The following EYA1 variants were observed in gnomAD, a reference collection of about 807,000 sequenced individuals.
The protein encoded by EYA1 is EYA transcriptional coactivator and phosphatase 1, also known as protein phosphatase EYA1.
EYA1 carries 16 observed loss-of-function variants against 82.0 expected under a neutral mutation model. The ratio of observed to expected loss-of-function variants is 0.20; its 90% CI spans 0.13 to 0.30. EYA1 has a LOEUF of 0.30. Among genes scored for constraint, EYA1 ranks in the 10% least tolerant of loss-of-function variants. EYA1 has a pLI of 1.00. For missense variants in EYA1, 633 were observed against 730.7 expected, an observed-to-expected ratio of 0.87 and a Z score of 1.54; for synonymous variants, 261 against 264.4, an observed-to-expected ratio of 0.99 and a Z score of 0.12.
chr8:71,333,866 C>G (rs1204345700), intron 4 of EYA1, among the ~76,000 whole-genome samples: 2 of 151,972 alleles, frequency 1.3e-5, no homozygotes, highest in African/African-American at 4.8e-5. Context: ...TTTTTATACC[C>G]CATTTATTGG....
rs2129217081 is a variant in EYA1, at chr8:71,485,126, T to C, written c.33+50618A>G. Among the ~76,000 whole-genome samples the C allele has an allele frequency of 1.3e-5, 2 of 152,376 alleles. 1 individual carries two copies. Among genetic ancestry groups the C allele is most frequent in the South Asian group, 4.1e-4 (2 of 4,832 alleles). ...CTGCTTATTGGTATATGTTAAAGTTTGTGATTTATTGTTGTGAATAAAAGT... is the reference window on the plus strand; with the variant it reads ...CTGCTTATTGGTATATGTTAAAGTTCGTGATTTATTGTTGTGAATAAAAGT... On this transcript the variant is annotated intron_variant, in intron 2 of 18. Coordinates refer to the EYA1 transcript ENST00000643681.
At chr8:71,450,764 G>A (rs768323479) in intron 2 of EYA1, among the ~76,000 whole-genome samples, 3 of 152,118 alleles carry the variant, frequency 2.0e-5, no homozygotes, top group African/African-American at 7.2e-5. Flanking sequence ...TATATAAAAA[G>A]GGAACAAGAA....
chr8:71,471,285 TGATA>T (rs1299173821), intron 2 of EYA1, among the ~76,000 whole-genome samples: 5 of 152,046 alleles, frequency 3.3e-5, no homozygotes, highest in Non-Finnish European at 5.9e-5. Flanking sequence ...AATGCAGGAA[TGATA>T]GATGTCTGTA....
At chr8:71,539,119 C>A (rs1814941689) in intron 1 of EYA1, among the ~76,000 whole-genome samples, 1 of 151,996 alleles carries the variant, frequency 6.6e-6, no homozygotes, top group African/African-American at 2.4e-5. Context: ...GCATCTAGGG[C>A]CCTGTCTACC....
chr8:71,329,605 T>G (rs1823580074), intron 4 of EYA1, among the ~76,000 whole-genome samples: 1 of 152,224 alleles, frequency 6.6e-6, no homozygotes. Context: ...ACTACTCTTA[T>G]TTTGAGTCAC....
At chr8:71,301,571 T>C (rs1250231468) in intron 7 of EYA1, among the ~76,000 whole-genome samples, 1 of 152,202 alleles carries the variant, frequency 6.6e-6, no homozygotes, top group Non-Finnish European at 1.5e-5. Context: ...CCAAGAATTA[T>C]TTTTATTAAG....
In EYA1 at chr8:71,275,290, T is replaced by C. The variant is rs181723926; in HGVS notation, c.827-3393A>G. On this transcript the variant is annotated intron_variant, in intron 9 of 17. Coordinates refer to ENST00000340726, the MANE Select transcript of EYA1 (RefSeq NM_000503.6). ...CAGTAAAAAATCATGCCCATGTCAG[T>C]GGTTTCACAACTGGGTGAAGATTGT... is the stretch of plus-strand genomic sequence containing the variant. Among the ~76,000 whole-genome samples, 754 of 152,324 alleles carry C rather than the reference T, an allele frequency of 4.9e-3. 24 individuals carry two copies. Among genetic ancestry groups the C allele is most frequent in the Non-Finnish European group, 7.8e-4 (53 of 68,020 alleles).
intron 2 of EYA1, among the ~76,000 whole-genome samples, chr8:71,447,594 A>G (rs1806994722): frequency 6.6e-6 from 1 of 152,222 alleles, no homozygotes; most frequent in African/African-American, 2.4e-5. Context: ...GAATGCTAAT[A>G]CAGGCATATT....
At chr8:71,321,635 C>T (rs1337707510) in intron 6 of EYA1, 99 bp downstream of exon 6, 23 of 1,455,924 alleles carry the variant, frequency 1.6e-5, no homozygotes, top group Non-Finnish European at 2.0e-5. Flanking sequence ...ACAACACGTT[C>T]TAAATTGGCC....
intron 2 of EYA1, chr8:71,404,435 G>A (rs73684799): frequency 1.4e-3 from 209 of 152,296 alleles, no homozygotes; most frequent in African/African-American, 4.8e-3. Flanking sequence ...GTTAGTCCAT[G>A]AATTTTTTAG....
intron 2 of EYA1, among the ~76,000 whole-genome samples, chr8:71,449,376 G>A (rs1225943658): frequency 6.6e-6 from 1 of 152,178 alleles, no homozygotes; most frequent in Non-Finnish European, 1.5e-5. Flanking sequence ...GTGTTGGCAG[G>A]CATGAAAACA....
intron 9 of EYA1, among the ~76,000 whole-genome samples, chr8:71,294,600 A>C (rs1049778729): frequency 6.6e-6 from 1 of 152,234 alleles, no homozygotes; most frequent in Non-Finnish European, 1.5e-5. Context: ...AGAAGATATA[A>C]ATAAATGGAG....
intron 2 of EYA1, among the ~76,000 whole-genome samples, chr8:71,419,677 A>G (rs1203118484): frequency 6.6e-6 from 1 of 152,114 alleles, no homozygotes; most frequent in African/African-American, 2.4e-5. Context: ...TTTTCCATAA[A>G]GTTTTTTAAA....
chr8:71,423,519 T>C (rs1831258116), intron 2 of EYA1, among the ~76,000 whole-genome samples: 1 of 152,220 alleles, frequency 6.6e-6, no homozygotes, highest in South Asian at 2.1e-4. Flanking sequence ...CAAATAATCA[T>C]AATAATTTTC....
At chr8:71,465,423 G>A (rs73298388) in intron 2 of EYA1, among the ~76,000 whole-genome samples, 14,501 of 152,134 alleles carry the variant, frequency 0.095, 1,489 homozygotes, top group East Asian at 0.48. Context: ...AGGAGTTCCA[G>A]ACTAGCCTGG....
At chr8:71,254,243 C>CAA (rs56047377) in intron 11 of EYA1, among the ~76,000 whole-genome samples, 18 of 51,462 alleles carry the variant, frequency 3.5e-4, no homozygotes, top group African/African-American at 9.7e-4. Flanking sequence ...AAGTCTTGGC[C>CAA]AAAAAAAAAA....
intron 2 of EYA1, among the ~76,000 whole-genome samples, chr8:71,433,725 G>A (rs75084447): frequency 6.6e-6 from 1 of 152,176 alleles, no homozygotes; most frequent in Admixed American, 6.5e-5. Flanking sequence ...TCTGAATCAG[G>A]GTTGGAGAGG....
chr8:71,243,618 T>C (rs1252222257), intron 12 of EYA1, among the ~76,000 whole-genome samples: 2 of 152,194 alleles, frequency 1.3e-5, no homozygotes, highest in Non-Finnish European at 2.9e-5. Flanking sequence ...GAAATCAAAA[T>C]ACAGGACAGA....
intron 2 of EYA1, among the ~76,000 whole-genome samples, chr8:71,529,188 T>C (rs1275221150): frequency 1.3e-5 from 2 of 152,224 alleles, no homozygotes; most frequent in Non-Finnish European, 2.9e-5. Flanking sequence ...CAAGGTTCTC[T>C]TCACTATGCC....
Sources: allele counts gnomAD v4.1 joint callset (sites outside exome capture counted in the v4.1 genomes callset), GRCh38; gene constraint gnomAD v4.1.1; transcripts MANE v1.5; gene names NCBI Gene and HGNC (gene_info 2026-07-23, HGNC 2026-07-21).